KIF6: variants seen among roughly 807,000 people sequenced by gnomAD.
The protein encoded by KIF6 is kinesin family member 6, also known as kinesin-like protein KIF6.
A neutral mutation model predicts 112.7 loss-of-function variants in KIF6; 106 were observed. The observed-to-expected ratio is 0.94, with a 90% CI of 0.80 to 1.11. The LOEUF is 1.11. Among genes scored for constraint, KIF6 ranks in the 50% least tolerant of loss-of-function variants. The pLI, the probability that KIF6 is intolerant of heterozygous loss-of-function variation, is 0.00. For synonymous variants in KIF6, 339 were observed against 339.9 expected, an observed-to-expected ratio of 1.00 and a Z score of 0.03; for missense variants, 929 against 964.0, an observed-to-expected ratio of 0.96 and a Z score of 0.48.
chr6:39,621,063 C>A (rs1296645375), intron 5 of KIF6, among the ~76,000 whole-genome samples: 1 of 151,990 alleles, frequency 6.6e-6, no homozygotes, highest in Non-Finnish European at 1.5e-5. Context: ...GCCACCGCAC[C>A]CAGCCTACAA....
intron 4 of KIF6, 135 bp from the exon 5 acceptor site, chr6:39,635,093 G>A: frequency 3.4e-6 from 2 of 581,260 alleles, no homozygotes; most frequent in Admixed American, 3.4e-5. Context: ...TACATTTTCA[G>A]TTCATGACAC....
At chr6:39,441,263 A>C (rs1771907107) in intron 13 of KIF6, among the ~76,000 whole-genome samples, 1 of 152,198 alleles carries the variant, frequency 6.6e-6, no homozygotes, top group Admixed American at 6.5e-5. Context: ...CTGCCAGTCA[A>C]TCATCCCTGG....
chr6:39,539,502 C>A (rs978968916), intron 13 of KIF6, among the ~76,000 whole-genome samples: 1 of 152,196 alleles, frequency 6.6e-6, no homozygotes, highest in South Asian at 2.1e-4. Flanking sequence ...CACCACCACG[C>A]CCAGCTAATT....
intron 16 of KIF6, among the ~76,000 whole-genome samples, chr6:39,384,764 G>A (rs1296311241): frequency 1.3e-5 from 2 of 152,170 alleles, no homozygotes; most frequent in East Asian, 3.9e-4. Context: ...TTTTTTGTCT[G>A]GAATACATGA....
intron 14 of KIF6, among the ~76,000 whole-genome samples, chr6:39,428,964 C>T (rs1770952456): frequency 6.6e-6 from 1 of 152,110 alleles, no homozygotes; most frequent in Non-Finnish European, 1.5e-5. Flanking sequence ...GGAGTATGTC[C>T]CCTTATAAAC....
At chr6:39,379,926 G>T (rs74411205) in intron 16 of KIF6, among the ~76,000 whole-genome samples, 6,969 of 152,250 alleles carry the variant, frequency 0.046, 512 homozygotes, top group African/African-American at 0.16. Context: ...GTAAAGTGAG[G>T]ATAATAGTAA....
chr6:39,692,911 C>T (rs1788306437), intron 3 of KIF6, among the ~76,000 whole-genome samples: 1 of 152,002 alleles, frequency 6.6e-6, no homozygotes, highest in Non-Finnish European at 1.5e-5. Flanking sequence ...TAGCAATGCA[C>T]CTGCTAGTTA....
At chr6:39,501,116 C>A (rs912021186) in intron 13 of KIF6, among the ~76,000 whole-genome samples, 2 of 152,058 alleles carry the variant, frequency 1.3e-5, no homozygotes, top group African/African-American at 4.8e-5. Context: ...TACTCGGGAG[C>A]AACACAGAGC....
chr6:39,468,994 TAACTTGAATAC>T (rs1773968628), intron 13 of KIF6, among the ~76,000 whole-genome samples: 1 of 152,056 alleles, frequency 6.6e-6, no homozygotes, highest in Non-Finnish European at 1.5e-5. Flanking sequence ...CACCAGATTA[TAACTTGAATAC>T]ATACATACAC....
intron 13 of KIF6, among the ~76,000 whole-genome samples, chr6:39,538,208 T>G (rs1370208311): frequency 2.6e-5 from 4 of 151,404 alleles, no homozygotes; most frequent in Non-Finnish European, 5.9e-5. Flanking sequence ...AAGCCAAAAT[T>G]GACAAATGGG....
intron 10 of KIF6, among the ~76,000 whole-genome samples, chr6:39,561,307 T>A (rs565678237): frequency 3.2e-4 from 49 of 152,146 alleles, no homozygotes; most frequent in Non-Finnish European, 5.7e-4. Context: ...AAAGTGTTTT[T>A]CAAGAAAAGA....
At chr6:39,688,231 C>A (rs1334790278) in intron 3 of KIF6, among the ~76,000 whole-genome samples, 1 of 152,096 alleles carries the variant, frequency 6.6e-6, no homozygotes, top group Non-Finnish European at 1.5e-5. Context: ...GCTGACCCCA[C>A]TGGGAGGCCA....
At chr6:39,482,346 C>A (rs1422113447) in intron 13 of KIF6, among the ~76,000 whole-genome samples, 1 of 152,150 alleles carries the variant, frequency 6.6e-6, no homozygotes, top group Non-Finnish European at 1.5e-5. Context: ...CTATCACCAC[C>A]AGATGATGGA....
chr6:39,379,817 C>T (rs1274382634), intron 16 of KIF6, among the ~76,000 whole-genome samples: 7 of 152,214 alleles, frequency 4.6e-5, no homozygotes, highest in Non-Finnish European at 1.0e-4. Context: ...GGCAGTGCAG[C>T]GTGATGGCTG....
intron 12 of KIF6, among the ~76,000 whole-genome samples, chr6:39,542,477 G>T (rs989676158): frequency 6.6e-6 from 1 of 152,122 alleles, no homozygotes; most frequent in Non-Finnish European, 1.5e-5. Flanking sequence ...TGTCTTTTGT[G>T]AAACTCAATT....
intron 6 of KIF6, among the ~76,000 whole-genome samples, chr6:39,611,649 T>C (rs1306115827): frequency 6.6e-6 from 1 of 152,332 alleles, no homozygotes; most frequent in South Asian, 2.1e-4. Context: ...GTTTTCCTTA[T>C]AGAAGTTTAT....
intron 17 of KIF6, among the ~76,000 whole-genome samples, 176 bp from the exon 18 acceptor site, chr6:39,360,706 CCAT>C (rs1765065095): frequency 6.6e-6 from 1 of 152,136 alleles, no homozygotes; most frequent in African/African-American, 2.4e-5. Flanking sequence ...GGGTTTGAGT[CCAT>C]CACAGAGAAG....
intron 13 of KIF6, among the ~76,000 whole-genome samples, chr6:39,503,494 C>A (rs527448620): frequency 4.6e-5 from 7 of 151,114 alleles, no homozygotes; most frequent in African/African-American, 1.7e-4. Flanking sequence ...CTGAAGGAGA[C>A]AGAAACACGA....
At chr6:39,576,312 C>T (rs555801010) in intron 10 of KIF6, among the ~76,000 whole-genome samples, 13 of 152,000 alleles carry the variant, frequency 8.6e-5, no homozygotes, top group East Asian at 5.8e-4. Flanking sequence ...TTAGTAGAGA[C>T]GAGGTTTCTC....
Sources: gnomAD v4.1 joint callset for allele counts (sites outside exome capture counted in the v4.1 genomes callset) on GRCh38, gnomAD v4.1.1 for gene constraint, MANE v1.5 for transcripts, NCBI Gene and HGNC (gene_info 2026-07-23, HGNC 2026-07-21) for gene names.